SBNO2: variants seen among roughly 807,000 people sequenced by gnomAD.
SBNO2 encodes protein strawberry notch homolog 2.
In SBNO2, 89 loss-of-function variants were observed where a neutral mutation model predicts 146.3. That is an observed-to-expected ratio of 0.61 (90% CI 0.51 to 0.73). The LOEUF is 0.73. Ranked by LOEUF, SBNO2 falls within the 30% of genes least tolerant of loss-of-function variation. The pLI, the probability that SBNO2 is intolerant of heterozygous loss-of-function variation, is 0.00. For missense variants in SBNO2, 2,092 were observed against 2,003.7 expected (o/e 1.04, Z -0.84); for synonymous variants, 1,147 against 892.6 (o/e 1.29, Z -5.08).
At chr19:1,119,272 G>A in intron 13 of SBNO2, 108 bp from the exon 14 acceptor site, 1 of 1,335,366 alleles carries the variant, frequency 7.5e-7, no homozygotes. Context: ...GGCAGGAGCA[G>A]AGCCCTGGCG....
Position 1,109,166 on chromosome 19 carries a change from A to G in SBNO2, c.3394T>C (p.Leu1132=). Residue 1132 remains leucine, a synonymous_variant, in exon 30 of 32, where the codon TTG becomes CTG. Coordinates refer to ENST00000361757, the MANE Select transcript of SBNO2 (RefSeq NM_014963.3). The surrounding 1 kb of genome is among the most constrained non-coding windows in gnomAD (Gnocchi z 4.2). ...AKEPWESGYA[L]SLTHCSHSAW... is the part of the protein sequence containing the mutation. ...CTGTGGCTGCAGTGCGTCAGCGACA[A>G]AGCGTAGCCACTCTCCCAGGGCTCC... 1 of 1,558,418 alleles carries G rather than the reference A, an allele frequency of 6.4e-7. No homozygotes were observed. The highest frequency in any genetic ancestry group is 8.7e-7 in the Non-Finnish European group (1 of 1,152,066).
At chr19:1,159,183 G>C (rs1017863017) in intron 1 of SBNO2, among the ~76,000 whole-genome samples, 10 of 150,998 alleles carry the variant, frequency 6.6e-5, no homozygotes, top group South Asian at 6.2e-4. Flanking sequence ...TCGCATCCTA[G>C]GACCGGGTGC....
At position 1,112,794 on chromosome 19, in the gene SBNO2, G is replaced by C. The variant is rs748907522; in HGVS notation, c.2379+24C>G. The C allele has an allele frequency of 6.4e-7, 1 of 1,552,256 alleles. No homozygotes were observed. The highest frequency in any genetic ancestry group is 1.4e-5 in the African/African-American group (1 of 73,432). On this transcript the variant is annotated intron_variant, in intron 20 of 31. Transcript: ENST00000361757. This position sits in a 1 kb window ranked among gnomAD's most constrained non-coding sequence, Gnocchi z 5.9. The stretch of plus-strand genomic sequence containing the variant: ...GTGCCTCTTGGGTCCCGTGGGCCGC[G>C]CCCAGTGCACTGCAGCCCCGCACCT...
At chr19:1,148,424 T>G (rs2080214635) in intron 3 of SBNO2, among the ~76,000 whole-genome samples, 1 of 149,616 alleles carries the variant, frequency 6.7e-6, no homozygotes. Context: ...CTACCCCCCC[T>G]GCAGAACCCA....
chr19:1,135,329 T>A (rs2145265289), intron 4 of SBNO2, among the ~76,000 whole-genome samples: 1 of 152,256 alleles, frequency 6.6e-6, no homozygotes, highest in Non-Finnish European at 1.5e-5. Context: ...ACCACTGCAC[T>A]CCAGCCTGGG....
rs531590571 is a variant in SBNO2 at position 1,109,376 on chromosome 19, G to A, written c.3264C>T (p.Gly1088=). ...PSCLLAEQNR[G]QFFTVYKPNI... ...TGGGCTTGTACACCGTGAAGAACTG[G>A]CCGCGGTTCTGCTCCGCCAGCAGGC... The change falls in exon 29 of 32, where the codon GGC becomes GGT. Residue 1088 remains glycine (G), a synonymous_variant. Coordinates refer to ENST00000361757, the MANE Select transcript of SBNO2 (RefSeq NM_014963.3). The surrounding 1 kb of genome is among the most constrained non-coding windows in gnomAD (Gnocchi z 4.2). 3.2e-6 allele frequency: 5 copies of A among 1,577,566 alleles called. No homozygotes were observed. The East Asian group carries it at 7.0e-5, about 22-fold the overall frequency.
intron 1 of SBNO2, among the ~76,000 whole-genome samples, chr19:1,156,627 C>T (rs1238392348): frequency 6.6e-6 from 1 of 152,164 alleles, no homozygotes; most frequent in Admixed American, 6.5e-5. Flanking sequence ...AGTGGACCAG[C>T]ATGTGGCGTG....
chr19:1,109,306 G>A lies in SBNO2; in HGVS notation c.3334C>T (p.Arg1112Cys), dbSNP rs779768771. ...SQLEALDSLR[R>C]KFHRVTAEEA... ...CGGCCGCCTACCCGGTGGAACTTGC[G>A]GCGGAGGCTGTCCAGGGCCTCCAGC... Residue 1112 changes from arginine (R) to cysteine (C), a missense_variant, in exon 29 of 32, where the codon CGC (arginine) becomes TGC (cysteine). By Grantham distance (180) the Arg-to-Cys change is radical. Transcript: ENST00000361757. The surrounding 1 kb of genome is among the most constrained non-coding windows in gnomAD (Gnocchi z 4.2). The A allele has an allele frequency of 1.4e-5, 22 of 1,596,640 alleles. No homozygotes were observed. Among genetic ancestry groups the A allele is most frequent in the African/African-American group, 5.4e-5 (4 of 74,644 alleles).
At chr19:1,115,890 C>G (rs1249321924) in intron 17 of SBNO2, 131 bp downstream of exon 17, 1 of 769,024 alleles carries the variant, frequency 1.3e-6, no homozygotes, top group Non-Finnish European at 2.2e-6. Flanking sequence ...CTTGAGCCTG[C>G]CTGGCACGGA....
At chr19:1,159,295 G>A (rs1384803900) in intron 1 of SBNO2, among the ~76,000 whole-genome samples, 6 of 151,866 alleles carry the variant, frequency 4.0e-5, no homozygotes, top group Non-Finnish European at 7.4e-5. Context: ...CGCCAGGACC[G>A]TCTGGTGGGG....
chr19:1,108,463 G>A lies in SBNO2; in HGVS notation c.3858C>T (p.Pro1286=), dbSNP rs1380765805. The A allele has an allele frequency of 4.9e-6, 6 of 1,227,980 alleles. No individual in the cohort carries two copies. Among genetic ancestry groups the A allele is most frequent in the Non-Finnish European group, 5.1e-6 (5 of 980,906 alleles). 76.1% of individuals were successfully genotyped at this position (1,227,980 alleles called of 1,614,324 possible). The change falls in exon 32 of 32, where the codon CCC becomes CCT. Residue 1286 remains proline, a synonymous_variant. Coordinates refer to ENST00000361757, the MANE Select transcript of SBNO2 (RefSeq NM_014963.3). ...FPAPLSLDAG[P]GVVPLGTPDA... is the part of the protein sequence containing the mutation. ...CGGGGGTGCCCAGCGGCACGACGCC[G>A]GGGCCGGCGTCCAGGGACAGCGGCG...
rs541523250 is a variant in SBNO2 at position 1,119,393 on chromosome 19, C to G, written c.1373+123G>C. ...AGCCCGAGGCAGTGAAACGAGCGAC[C>G]CACATTCAGCACCTCTGGGTGCTGG... On this transcript the variant is annotated intron_variant, in intron 13 of 31. Coordinates refer to ENST00000361757, the MANE Select transcript of SBNO2 (RefSeq NM_014963.3). The G allele has an allele frequency of 1.4e-3, 1,288 of 905,788 alleles. 13 individuals carry two copies. The African/African-American group carries it at 0.018, about 12-fold the overall frequency. The allele number at this position is 905,788 out of a possible 1,614,324, so 56.1% of individuals were successfully genotyped here.
intron 4 of SBNO2, chr19:1,132,010 G>A (rs1460750124): frequency 8.0e-6 from 9 of 1,123,556 alleles, no homozygotes; most frequent in Non-Finnish European, 1.1e-5. Flanking sequence ...CCGGCAGGGG[G>A]CCCGGCCGTC....
In SBNO2 at chr19:1,140,382, C is replaced by T. The variant is rs1307560329; in HGVS notation, c.279+6927G>A. Reference sequence around the variant, plus strand: ...ACCTGCACACCGCGGCAGGGGGCCCCACCAGGACACACGGGGCTGAGCCAT... The same window carrying T: ...ACCTGCACACCGCGGCAGGGGGCCCTACCAGGACACACGGGGCTGAGCCAT... On this transcript the variant is annotated intron_variant, in intron 4 of 31. Coordinates refer to ENST00000361757, the MANE Select transcript of SBNO2 (RefSeq NM_014963.3). The surrounding 1 kb of genome is among the most constrained non-coding windows in gnomAD (Gnocchi z 4.4). Among the ~76,000 whole-genome samples, 1 of 152,164 alleles carries T rather than the reference C, an allele frequency of 6.6e-6. No individual in the cohort carries two copies. The highest frequency in any genetic ancestry group is 1.5e-5 in the Non-Finnish European group (1 of 68,026).
At chr19:1,170,513 G>A (rs1036698718) in intron 1 of SBNO2, among the ~76,000 whole-genome samples, 7 of 152,138 alleles carry the variant, frequency 4.6e-5, no homozygotes, top group South Asian at 2.1e-4. Context: ...GCTTCAACCC[G>A]GCAGCTGGAC....
Position 1,136,234 on chromosome 19 carries a change from G to T in SBNO2, c.280-8469C>A, listed in dbSNP as rs953675036. The stretch of plus-strand genomic sequence containing the variant: ...TGACTTTGGACTTCCAGGCTCCAGG[G>T]CTGGGAGGGGACAGAGTCCTGGCCT... On this transcript the variant is annotated intron_variant, in intron 4 of 31. Coordinates refer to ENST00000361757, the MANE Select transcript of SBNO2 (RefSeq NM_014963.3). The surrounding 1 kb of genome is among the most constrained non-coding windows in gnomAD (Gnocchi z 4.2). 3.9e-5 allele frequency among the ~76,000 whole-genome samples: 6 copies of T among 152,182 alleles called. No individual in the cohort carries two copies. The highest frequency in any genetic ancestry group is 1.4e-4 in the African/African-American group (6 of 41,458).
intron 1 of SBNO2, among the ~76,000 whole-genome samples, chr19:1,172,775 AC>A (rs200691444): frequency 2.5e-5 from 1 of 39,606 alleles, no homozygotes; most frequent in African/African-American, 2.0e-4. Context: ...ACTCACTGCA[AC>A]CGCCCCCCCC....
At chr19:1,119,860 A>G in intron 12 of SBNO2, 46 bp downstream of exon 12, 1 of 1,419,716 alleles carries the variant, frequency 7.0e-7, no homozygotes, top group Non-Finnish European at 9.6e-7. Context: ...AGCCAGGCAG[A>G]AAGACGCTGC....
In SBNO2 at chr19:1,157,321, G is replaced by A. The variant is rs2080300049; in HGVS notation, c.-126-2919C>T. On this transcript the variant is annotated intron_variant, in intron 1 of 31. Coordinates refer to ENST00000361757, the MANE Select transcript of SBNO2 (RefSeq NM_014963.3). The surrounding 1 kb of genome is among the most constrained non-coding windows in gnomAD (Gnocchi z 6.8). ...TGGGGCCTGAGAACACCCCAACGCA[G>A]CCTCTGCCACGCAGCCCCGGAGACG... Among the ~76,000 whole-genome samples the A allele has an allele frequency of 6.7e-6, 1 of 149,942 alleles. No individual in the cohort carries two copies. The highest frequency in any genetic ancestry group is 1.5e-5 in the Non-Finnish European group (1 of 67,278).
Sources: allele counts gnomAD v4.1 joint callset (sites outside exome capture counted in the v4.1 genomes callset), GRCh38; gene constraint gnomAD v4.1.1; non-coding constraint Gnocchi (gnomAD v3.1); transcripts MANE v1.5; gene names NCBI Gene and HGNC (gene_info 2026-07-23, HGNC 2026-07-21).